The following ZFP41 variants were observed in gnomAD, a reference collection of about 807,000 sequenced individuals.
ZFP41 encodes the protein ZFP41 zinc finger protein.
ZFP41 carries 10 observed loss-of-function variants against 11.6 expected under a neutral mutation model. The observed-to-expected ratio is 0.86, with a 90% CI of 0.53 to 1.47. The LOEUF is 1.47. Among genes scored for constraint, ZFP41 ranks in the 40% most tolerant of loss-of-function variants. The pLI, the probability that ZFP41 is intolerant of heterozygous loss-of-function variation, is 0.00. For synonymous variants in ZFP41, 123 were observed against 100.9 expected (o/e 1.22, Z -1.31); for missense variants, 302 against 264.6 (o/e 1.14, Z -0.98).
chr8:143,247,875 A>G (rs1465684856), intron 1 of ZFP41: 2 of 152,218 alleles, frequency 1.3e-5, no homozygotes, highest in Non-Finnish European at 2.9e-5. Context: ...GCAGGAGTGC[A>G]CTGGCGCGAC....
intron 2 of ZFP41, among the ~76,000 whole-genome samples, chr8:143,258,893 C>T (rs1586718145): frequency 6.6e-6 from 1 of 152,172 alleles, no homozygotes; most frequent in Non-Finnish European, 1.5e-5. Context: ...ATGGGACGGG[C>T]GGGGGTCCTC....
chr8:143,251,396 C>CA (rs1180224669), intron 2 of ZFP41, 56 bp downstream of exon 2: 1 of 154,330 alleles, frequency 6.5e-6, no homozygotes, highest in Non-Finnish European at 1.5e-5. Flanking sequence ...GTGGCAGGTC[C>CA]ACAGGCCTGT....
At chr8:143,251,422 A>G (rs1814751166) in intron 2 of ZFP41, 82 bp downstream of exon 2, 1 of 153,006 alleles carries the variant, frequency 6.5e-6, no homozygotes, top group African/African-American at 2.4e-5. Flanking sequence ...CCTTGTGTCC[A>G]TCCAGGAGCA....
intron 2 of ZFP41, among the ~76,000 whole-genome samples, chr8:143,258,816 A>C (rs1242653622): frequency 6.6e-6 from 1 of 152,246 alleles, no homozygotes; most frequent in African/African-American, 2.4e-5. Flanking sequence ...ACACAAGTTA[A>C]AACAACAGAT....
chr8:143,259,353 C>T (rs1814984391), intron 2 of ZFP41, among the ~76,000 whole-genome samples: 1 of 152,250 alleles, frequency 6.6e-6, no homozygotes, highest in African/African-American at 2.4e-5. Context: ...ATGGTTCACA[C>T]TCAGGAGAGA....
chr8:143,248,752 C>A (rs1468297444), intron 1 of ZFP41, among the ~76,000 whole-genome samples: 1 of 152,080 alleles, frequency 6.6e-6, no homozygotes, highest in African/African-American at 2.4e-5. Context: ...GCACACGTGG[C>A]CTTCATCTTC....
intron 1 of ZFP41, among the ~76,000 whole-genome samples, chr8:143,248,002 T>C (rs1816724762): frequency 6.6e-6 from 1 of 152,130 alleles, no homozygotes; most frequent in Admixed American, 6.5e-5. Flanking sequence ...TGTGTTTTGG[T>C]AGGGACAGGG....
intron 2 of ZFP41, among the ~76,000 whole-genome samples, chr8:143,259,116 C>T (rs116824211): frequency 0.01 from 1,589 of 152,316 alleles, 20 homozygotes; most frequent in African/African-American, 0.036. Flanking sequence ...GGTAGCGAAG[C>T]GGGTAAATCA....
rs1815031450 is a variant in ZFP41, at chr8:143,261,283, TGAG to T, written c.*2411_*2413del. Reference sequence around the variant, plus strand: ...GATCGTTTCTTTCCTGAGAATGAGCTGAGGTAAAAACATGCTGGGGAGGAAGAT... The same window carrying T: ...GATCGTTTCTTTCCTGAGAATGAGCTGTAAAAACATGCTGGGGAGGAAGAT... On this transcript the variant is annotated 3_prime_UTR_variant, in exon 3 of 3. Transcript: ENST00000330701. 6.6e-6 allele frequency: 1 copy of T among 152,386 alleles called. No individual in the cohort carries two copies. The highest frequency in any genetic ancestry group is 1.5e-5 in the Non-Finnish European group (1 of 68,206). 9.4% of individuals were successfully genotyped at this position (152,386 alleles called of 1,614,324 possible).
chr8:143,248,563 A>C (rs1317559179), intron 1 of ZFP41: 1 of 152,352 alleles, frequency 6.6e-6, no homozygotes, highest in Non-Finnish European at 1.5e-5. Context: ...CCATGAGGCA[A>C]ACAGCTGGTC....
In ZFP41 at chr8:143,250,345, G is replaced by T. The variant is rs868610148; in HGVS notation, c.502G>T (p.Glu168Ter). ...GAAACATCAGAAGACGCACACCGGG[G>T]AGAAGCCCTACGAATGCACGCACTG... ...LLKHQKTHTGEKPYECTHCGK... is the reference protein window; with the variant it reads ...LLKHQKTHTG Residue 168 changes from glutamate (E) to a stop codon, truncating the protein, a stop_gained, in exon 2 of 3, where the codon GAG (glutamate) becomes TAG (stop). Transcript: ENST00000330701. LOFTEE classifies it high-confidence loss of function. 2 of 1,613,918 alleles carry T rather than the reference G, an allele frequency of 1.2e-6. No homozygotes were observed. The highest frequency in any genetic ancestry group is 1.7e-6 in the Non-Finnish European group (2 of 1,180,044).
chr8:143,259,025 C>CGT (rs1814976554), intron 2 of ZFP41, among the ~76,000 whole-genome samples: 1 of 152,230 alleles, frequency 6.6e-6, no homozygotes, highest in Non-Finnish European at 1.5e-5. Flanking sequence ...CCTTGAGAAA[C>CGT]GTGTGTGCAC....
At position 143,250,423 on chromosome 8, in the gene ZFP41, C is replaced by T; in HGVS notation, c.580C>T (p.Pro194Ser). ...SCLIRHQKRH[P>S]RKKP ...TCTCATCCGCCATCAGAAACGCCAC[C>T]CTCGGAAGAAGCCCTGAGCCGGGGC... The change falls in exon 2 of 3, where the codon CCT becomes TCT. Residue 194 changes from proline (P) to serine (S), a missense_variant. Coordinates refer to ENST00000330701, the MANE Select transcript of ZFP41 (RefSeq NM_173832.6). 3 of 1,611,052 alleles carry T rather than the reference C, an allele frequency of 1.9e-6. No individual in the cohort carries two copies. The highest frequency in any genetic ancestry group is 1.1e-5 in the South Asian group (1 of 91,056).
At position 143,250,131 on chromosome 8, in the gene ZFP41, T is replaced by A. The variant is rs1816772211; in HGVS notation, c.288T>A (p.Phe96Leu). ...AGTGCAGTGAGTGTGGGCGGATCTT[T>A]AAGCACAAGACAGACCACATTCGCC... ...PYECSECGRI[F>L]KHKTDHIRHQ... Residue 96 changes from phenylalanine (F) to leucine (L), a missense_variant, in exon 2 of 3, where the codon TTT (phenylalanine) becomes TTA (leucine). Transcript: ENST00000330701. 2 of 1,614,148 alleles carry A rather than the reference T, an allele frequency of 1.2e-6. No individual in the cohort carries two copies.
chr8:143,250,222 A>G lies in ZFP41; in HGVS notation c.379A>G (p.Ser127Gly). The G allele has an allele frequency of 6.2e-7, 1 of 1,614,070 alleles. No individual in the cohort carries two copies. Among genetic ancestry groups the G allele is most frequent in the East Asian group, 2.2e-5 (1 of 44,882 alleles). ...CAQCGKAFRH[S>G]SDVTKHQRTH... ...GCAGTGCGGGAAGGCCTTCCGGCAC[A>G]GCTCTGACGTCACCAAACACCAGAG... The change falls in exon 2 of 3, where the codon AGC becomes GGC. Residue 127 changes from serine (S) to glycine (G), a missense_variant. Ser to Gly is a moderately conservative substitution (Grantham distance 56). Transcript: ENST00000330701.
At chr8:143,257,731 C>G (rs940280862) in intron 2 of ZFP41, among the ~76,000 whole-genome samples, 9 of 152,218 alleles carry the variant, frequency 5.9e-5, no homozygotes, top group Non-Finnish European at 8.8e-5. Flanking sequence ...CCTGTGCTGA[C>G]AAAGAGAACT....
In ZFP41 at chr8:143,249,778, TGAG is replaced by T. The variant is rs1816760572; in HGVS notation, c.-63_-61del. ...GAGAGGTGCGTGGGAAGCAAGCCAT[TGAG>T]GAAGTGGGGCCAACAGAGAGGTCAG... is the stretch of plus-strand genomic sequence containing the variant. On this transcript the variant is annotated 5_prime_UTR_variant, in exon 2 of 3. Transcript: ENST00000330701. The T allele has an allele frequency of 1.3e-6, 2 of 1,511,738 alleles. No homozygotes were observed. The highest frequency in any genetic ancestry group is 4.6e-5 in the Admixed American group (2 of 43,560). 93.6% of individuals were successfully genotyped at this position (1,511,738 alleles called of 1,614,324 possible). A position where few individuals can be genotyped will look rare whatever the true frequency, so the allele number is the denominator to read the frequency against.
At position 143,262,252 on chromosome 8, in the gene ZFP41, T is replaced by G. The variant is rs1815065794; in HGVS notation, c.*3378T>G. 6.3e-6 allele frequency: 1 copy of G among 158,436 alleles called. No homozygotes were observed. Among genetic ancestry groups the G allele is most frequent in the Non-Finnish European group, 1.4e-5 (1 of 72,284 alleles). The allele number at this position is 158,436 out of a possible 1,614,324, so 9.8% of individuals were successfully genotyped here. On this transcript the variant is annotated 3_prime_UTR_variant, in exon 3 of 3. Transcript: ENST00000330701. ...CGAGGGTTTTTAGTGTTTGTGCCTG[T>G]GTCCCCGTGTGCCTGTTTCCTGGTG... is the stretch of plus-strand genomic sequence containing the variant.
Position 143,249,444 on chromosome 8 carries a change from T to A in ZFP41, c.-154-246T>A, listed in dbSNP as rs563804103. 1.2e-3 allele frequency: 210 copies of A among 173,182 alleles called. 1 individual carries two copies. Among genetic ancestry groups the A allele is most frequent in the Non-Finnish European group, 1.9e-3 (154 of 79,618 alleles). The allele number at this position is 173,182 out of a possible 1,614,324, so 10.7% of individuals were successfully genotyped here. A position where few individuals can be genotyped will look rare whatever the true frequency, so the allele number is the denominator to read the frequency against. ...CAGGGCAGTTGGTGGGTACATCAGA[T>A]CCTGTGGACATGGTGTGCAGACCCG... On this transcript the variant is annotated intron_variant, in intron 1 of 2. Coordinates refer to ENST00000330701, the MANE Select transcript of ZFP41 (RefSeq NM_173832.6).
Sources: allele counts gnomAD v4.1 joint callset (sites outside exome capture counted in the v4.1 genomes callset), GRCh38; gene constraint gnomAD v4.1.1; transcripts MANE v1.5; gene names NCBI Gene and HGNC (gene_info 2026-07-23, HGNC 2026-07-21).